TOX4: variants seen among roughly 807,000 people sequenced by gnomAD.
TOX4 encodes TOX high mobility group box family member 4.
A neutral mutation model predicts 61.0 loss-of-function variants in TOX4; 12 were observed. The ratio of observed to expected loss-of-function variants is 0.20; its 90% CI spans 0.13 to 0.32. The LOEUF (loss-of-function observed/expected upper bound fraction) is 0.32, where lower values mean the gene tolerates loss of function less well. Ranked by LOEUF, TOX4 falls within the 10% of genes least tolerant of loss-of-function variation. The probability of loss-of-function intolerance (pLI) is 1.00; values close to 1 mark genes in which losing one functional copy is unlikely to be tolerated. For synonymous variants in TOX4, 268 were observed against 274.8 expected (o/e 0.98, Z 0.24); for missense variants, 499 against 753.3 (o/e 0.66, Z 3.95).
chr14:21,478,584 G>A (rs1891050443), intron 2 of TOX4, among the ~76,000 whole-genome samples: 1 of 152,200 alleles, frequency 6.6e-6, no homozygotes, highest in Non-Finnish European at 1.5e-5. Context: ...AAAGAGAATG[G>A]TGGAACAGAC....
chr14:21,482,571 C>T lies in TOX4; in HGVS notation c.76-4880C>T, dbSNP rs1414759106. 3 of 469,516 alleles carry T rather than the reference C, an allele frequency of 6.4e-6. No individual in the cohort carries two copies. In the East Asian group the frequency reaches 2.1e-4, roughly 33 times the overall value. 29.1% of individuals were successfully genotyped at this position (469,516 alleles called of 1,614,324 possible). On this transcript the variant is annotated intron_variant, in intron 2 of 8. Coordinates refer to ENST00000448790, the MANE Select transcript of TOX4 (RefSeq NM_014828.4). ...AACCAGCCCCTCCTTCAAAAAGGCC[C>T]AGGAATTGAACAAAGGAGGAAAGGA...
chr14:21,478,419 C>A (rs1471661883), intron 2 of TOX4, among the ~76,000 whole-genome samples: 1 of 152,238 alleles, frequency 6.6e-6, no homozygotes, highest in Non-Finnish European at 1.5e-5. Context: ...TTGTATGTCA[C>A]AGTTTCCCCA....
rs1484502106 is a variant in TOX4 at position 21,485,272 on chromosome 14, G to A, written c.76-2179G>A. On this transcript the variant is annotated intron_variant, in intron 2 of 8. Coordinates refer to ENST00000448790, the MANE Select transcript of TOX4 (RefSeq NM_014828.4). ...CTCTACTAAAAATACAAAATTAGCC[G>A]GGCATGGTGGCACATGTCTGTAATC... Among the ~76,000 whole-genome samples the A allele has an allele frequency of 9.5e-5, 10 of 105,084 alleles. 3 individuals are homozygous for A. The South Asian group carries it at 2.6e-3, about 28-fold the overall frequency. 68.9% of individuals were successfully genotyped at this position (105,084 alleles called of 152,430 possible).
At chr14:21,487,325 T>C (rs770849035) in intron 2 of TOX4, 126 bp from the exon 3 acceptor site, 1 of 1,315,856 alleles carries the variant, frequency 7.6e-7, no homozygotes, top group Admixed American at 2.3e-5. Context: ...AAATTGATTA[T>C]AAAATAGGAT....
rs929185285 is a variant in TOX4, at chr14:21,489,872, C to T, written c.810+469C>T. Among the ~76,000 whole-genome samples the T allele has an allele frequency of 1.4e-4, 22 of 151,838 alleles. 1 individual carries two copies. The highest frequency in any genetic ancestry group is 1.2e-3 in the Admixed American group (19 of 15,266). ...CTGGGATTACAGGCATGAGCCACTG[C>T]GCCCGGCCTATTTAAAAATTATTAA... On this transcript the variant is annotated intron_variant, in intron 5 of 8. Transcript: ENST00000448790.
At chr14:21,496,430 G>T in intron 8 of TOX4, 116 bp from the exon 9 acceptor site, 1 of 857,386 alleles carries the variant, frequency 1.2e-6, no homozygotes, top group Non-Finnish European at 1.8e-6. Context: ...GGGAGGCTAA[G>T]GCAGGAGAAT....
chr14:21,488,871 A>G, intron 4 of TOX4, 21 bp downstream of exon 4: 1 of 1,611,626 alleles, frequency 6.2e-7, no homozygotes, highest in Middle Eastern at 1.7e-4. Context: ...CCCTGTCAAA[A>G]TCAATTCTGC....
chr14:21,493,587 A>G (rs1288413470), intron 7 of TOX4, among the ~76,000 whole-genome samples: 4 of 148,794 alleles, frequency 2.7e-5, no homozygotes, highest in Non-Finnish European at 4.5e-5. Context: ...GATTACAGGC[A>G]TGTGCCACCA....
intron 5 of TOX4, among the ~76,000 whole-genome samples, chr14:21,491,126 A>AT (rs1047323701): frequency 6.1e-5 from 7 of 114,376 alleles, no homozygotes; most frequent in Non-Finnish European, 1.4e-4. Flanking sequence ...CACCTGGCCT[A>AT]TTTTTTTTCT....
At chr14:21,486,229 G>GA (rs1232103749) in intron 2 of TOX4, among the ~76,000 whole-genome samples, 1,331 of 97,488 alleles carry the variant, frequency 0.014, 413 homozygotes, top group African/African-American at 0.047. Context: ...GTTCAATTAT[G>GA]AAAAAAAAAA....
chr14:21,477,590 G>C, intron 2 of TOX4, 26 bp downstream of exon 2: 1 of 1,612,664 alleles, frequency 6.2e-7, no homozygotes, highest in Non-Finnish European at 8.5e-7. Context: ...CGACGCCGCG[G>C]GGGTAGGGCC....
Position 21,492,215 on chromosome 14 carries a change from T to C in TOX4, c.811-81T>C, listed in dbSNP as rs1465617586. The C allele has an allele frequency of 6.2e-6, 8 of 1,299,658 alleles. No individual in the cohort carries two copies. The South Asian group carries it at 7.9e-5, about 13-fold the overall frequency. The allele number at this position is 1,299,658 out of a possible 1,614,324, so 80.5% of individuals were successfully genotyped here. ...TTAGACTAAGATGAATTGTCATTCATTGATAAATAATACAGAACTATCAGT... is the reference window on the plus strand; with the variant it reads ...TTAGACTAAGATGAATTGTCATTCACTGATAAATAATACAGAACTATCAGT... On this transcript the variant is annotated intron_variant, in intron 5 of 8. Coordinates refer to ENST00000448790, the MANE Select transcript of TOX4 (RefSeq NM_014828.4).
At chr14:21,483,790 A>AT (rs1019408393) in intron 2 of TOX4, among the ~76,000 whole-genome samples, 1 of 129,914 alleles carries the variant, frequency 7.7e-6, no homozygotes, top group Non-Finnish European at 1.7e-5. Context: ...ACTGCGTGGT[A>AT]TTTTTTGTTA....
In TOX4 at chr14:21,484,329, C is replaced by CTT. The variant is rs533570141; in HGVS notation, c.76-3086_76-3085dup. On this transcript the variant is annotated intron_variant, in intron 2 of 8. Transcript: ENST00000448790. ...CTGGAAATTTTCTTTCTAGCAATGT[C>CTT]TTTTTTTTTTTTTTTTTTTTTTTTT... is the stretch of plus-strand genomic sequence containing the variant. 4.1e-4 allele frequency among the ~76,000 whole-genome samples: 18 copies of CTT among 44,234 alleles called. 8 individuals carry two copies. The highest frequency in any genetic ancestry group is 8.0e-4 in the Admixed American group (2 of 2,488). 29.0% of individuals were successfully genotyped at this position (44,234 alleles called of 152,430 possible).
At chr14:21,477,453 T>TG (rs1891014421) in intron 1 of TOX4, 43 bp from the exon 2 acceptor site, 1 of 1,612,088 alleles carries the variant, frequency 6.2e-7, no homozygotes, top group Admixed American at 1.7e-5. Flanking sequence ...GCTGACTCCC[T>TG]GCTCCCCCTA....
intron 8 of TOX4, chr14:21,496,231 TAAAAAG>T (rs1891397652): frequency 6.2e-6 from 1 of 161,886 alleles, no homozygotes. Flanking sequence ...AAAAAAAAGA[TAAAAAG>T]AATGTAGCGG....
At chr14:21,477,381 GGA>G in intron 1 of TOX4, 97 bp downstream of exon 1, 2 of 1,612,636 alleles carry the variant, frequency 1.2e-6, no homozygotes, top group Non-Finnish European at 1.7e-6. Flanking sequence ...TGACGGGAGA[GGA>G]GAGAGAGCGG....
Position 21,492,819 on chromosome 14 carries a change from A to T in TOX4, c.1203A>T (p.Gln401His). ...CAGTGGTGACCTCCCGGGGGCTCCAACTAGGCCAAACCAGTACAGCTACTA... is the reference window on the plus strand; with the variant it reads ...CAGTGGTGACCTCCCGGGGGCTCCATCTAGGCCAAACCAGTACAGCTACTA... ...PATVVTSRGL[Q>H]LGQTSTATIQ... The change falls in exon 7 of 9, where the codon CAA (glutamine) becomes CAT (histidine). Residue 401 changes from glutamine (Q) to histidine (H), a missense_variant. This residue lies in a region of TOX4 where 296 missense variants were observed against 404.7 expected (regional missense o/e 0.73). Transcript: ENST00000448790. The T allele has an allele frequency of 6.2e-7, 1 of 1,614,122 alleles. No individual in the cohort carries two copies. Among genetic ancestry groups the T allele is most frequent in the African/African-American group, 1.3e-5 (1 of 75,032 alleles).
Position 21,488,820 on chromosome 14 carries a change from T to A in TOX4, c.549T>A (p.Leu183=). The part of the protein sequence containing the change: ...LSTTPSPTSS[L]HEDGVEDFRR... ...CCACCCCTTCACCTACTAGTTCACT[T>A]CACGAGGATGGTGTTGAGGATTTCC... The change falls in exon 4 of 9, where the codon CTT becomes CTA. Residue 183 remains leucine (L), a synonymous_variant. Coordinates refer to ENST00000448790, the MANE Select transcript of TOX4 (RefSeq NM_014828.4). 7.4e-6 allele frequency: 12 copies of A among 1,614,200 alleles called. No homozygotes were observed. The highest frequency in any genetic ancestry group is 1.0e-5 in the Non-Finnish European group (12 of 1,180,028).
Sources: gnomAD v4.1 joint callset for allele counts (sites outside exome capture counted in the v4.1 genomes callset) on GRCh38, gnomAD v4.1.1 for gene constraint, gnomAD v4.1.1 regional missense constraint, MANE v1.5 for transcripts, NCBI Gene and HGNC (gene_info 2026-07-23, HGNC 2026-07-21) for gene names.